The following ANO4 variants were observed in gnomAD, a reference collection of about 807,000 sequenced individuals.
ANO4 encodes the protein anoctamin-4.
Under a neutral mutation model 141.9 loss-of-function variants are expected in ANO4, and 69 were observed. The observed-to-expected ratio is 0.49, with a 90% CI of 0.40 to 0.59. ANO4 has a LOEUF of 0.59. ANO4 is among the 20% of genes least tolerant of loss of function. ANO4 has a pLI of 0.00. For missense variants in ANO4, 894 were observed against 1,162.2 expected (o/e 0.77, Z 3.36); for synonymous variants, 350 against 394.3 (o/e 0.89, Z 1.33).
At chr12:101,015,336 T>A (rs1358616593) in intron 8 of ANO4, among the ~76,000 whole-genome samples, 1 of 152,194 alleles carries the variant, frequency 6.6e-6, no homozygotes, top group Non-Finnish European at 1.5e-5. Flanking sequence ...ATGTACTTCC[T>A]AATATGTGCA....
At chr12:101,074,845 A>G (rs2048960307) in intron 14 of ANO4, among the ~76,000 whole-genome samples, 1 of 152,186 alleles carries the variant, frequency 6.6e-6, no homozygotes, top group African/African-American at 2.4e-5. Context: ...AGTTTTCCAC[A>G]TTTGCTTTCA....
intron 14 of ANO4, among the ~76,000 whole-genome samples, chr12:101,063,857 T>C: frequency 6.8e-6 from 1 of 148,108 alleles, no homozygotes; most frequent in East Asian, 2.1e-4. Context: ...CTAATTCCTA[T>C]AGGATGTGTT....
chr12:100,722,210 C>T (rs1164471111), intron 1 of ANO4, among the ~76,000 whole-genome samples: 1 of 152,154 alleles, frequency 6.6e-6, no homozygotes, highest in Non-Finnish European at 1.5e-5. Flanking sequence ...TTTGCTTTCT[C>T]CTTGCCCTGC....
chr12:100,823,030 C>T (rs1450162373), intron 1 of ANO4, among the ~76,000 whole-genome samples: 1 of 151,920 alleles, frequency 6.6e-6, no homozygotes, highest in Non-Finnish European at 1.5e-5. Context: ...CCTTTTCATT[C>T]AAGTGTGTAT....
At chr12:100,947,218 G>A (rs2042762655) in intron 5 of ANO4, among the ~76,000 whole-genome samples, 3 of 152,182 alleles carry the variant, frequency 2.0e-5, no homozygotes, top group Admixed American at 2.0e-4. Flanking sequence ...ATGTTTTTAT[G>A]CTAATACAAA....
chr12:100,905,916 G>A (rs1363386883), intron 2 of ANO4, among the ~76,000 whole-genome samples: 2 of 152,092 alleles, frequency 1.3e-5, no homozygotes, highest in Non-Finnish European at 2.9e-5. Context: ...GGTCTAATAA[G>A]TTCTTTTCCT....
chr12:100,841,007 A>G (rs890810720), intron 1 of ANO4, among the ~76,000 whole-genome samples: 2 of 152,110 alleles, frequency 1.3e-5, no homozygotes, highest in Admixed American at 1.3e-4. Flanking sequence ...ATCCAATGAA[A>G]TGACCACCTA....
chr12:101,023,451 G>A (rs2136509909), intron 9 of ANO4, among the ~76,000 whole-genome samples: 1 of 152,242 alleles, frequency 6.6e-6, no homozygotes, highest in South Asian at 2.1e-4. Context: ...CAGGAGGATT[G>A]CTTGAGCCCA....
intron 23 of ANO4, 25 bp downstream of exon 23, chr12:101,110,581 T>TA (rs752251173): frequency 2.0e-6 from 3 of 1,522,622 alleles, no homozygotes; most frequent in African/African-American, 2.8e-5. Context: ...GGTATGTTTT[T>TA]AAAAAACATA....
At chr12:100,966,074 A>C (rs1367216680) in intron 5 of ANO4, among the ~76,000 whole-genome samples, 6 of 152,100 alleles carry the variant, frequency 3.9e-5, no homozygotes, top group Non-Finnish European at 8.8e-5. Flanking sequence ...GGGTGCTTGG[A>C]TCTCAGGATT....
chr12:101,079,168 C>CT, intron 14 of ANO4, 25 bp from the exon 15 acceptor site: 1 of 1,604,222 alleles, frequency 6.2e-7, no homozygotes, highest in Admixed American at 1.7e-5. Context: ...TCAAAAATGT[C>CT]TTTGTCTTTC....
chr12:100,853,244 G>A (rs2037977481), intron 1 of ANO4, among the ~76,000 whole-genome samples: 2 of 152,064 alleles, frequency 1.3e-5, no homozygotes, highest in Non-Finnish European at 2.9e-5. Flanking sequence ...TAAGTAGCTT[G>A]CCTTTTCAAA....
chr12:101,111,811 G>T (rs112036600), intron 24 of ANO4, 101 bp downstream of exon 24: 14 of 1,080,356 alleles, frequency 1.3e-5, no homozygotes, highest in Middle Eastern at 2.2e-4. Context: ...TGGAATACAT[G>T]CCCAGAAGGA....
intron 1 of ANO4, among the ~76,000 whole-genome samples, chr12:100,893,115 G>T (rs1408123125): frequency 6.6e-6 from 1 of 151,538 alleles, no homozygotes; most frequent in Admixed American, 6.6e-5. Flanking sequence ...AGGGTTCTGG[G>T]GATGCTTGGT....
chr12:100,806,563 GAGAC>G (rs200669276), intron 1 of ANO4, among the ~76,000 whole-genome samples: 6,362 of 17,954 alleles, frequency 0.35, 898 homozygotes, highest in East Asian at 0.42. Flanking sequence ...TTTTTTTTGT[GAGAC>G]AGAGTCTCGC....
At chr12:101,100,737 C>A (rs1459940902) in intron 22 of ANO4, among the ~76,000 whole-genome samples, 1 of 152,170 alleles carries the variant, frequency 6.6e-6, no homozygotes, top group Admixed American at 6.5e-5. Flanking sequence ...GTATCACAAG[C>A]AGACTGATGA....
At chr12:100,831,316 C>G (rs908923318) in intron 1 of ANO4, among the ~76,000 whole-genome samples, 1 of 152,104 alleles carries the variant, frequency 6.6e-6, no homozygotes, top group African/African-American at 2.4e-5. Context: ...GAGAGGACTC[C>G]TCCCCTGTCA....
chr12:100,777,843 TATC>T (rs1316181984), intron 3 of ANO4, among the ~76,000 whole-genome samples: 3 of 152,164 alleles, frequency 2.0e-5, no homozygotes, highest in African/African-American at 4.8e-5. Context: ...TGTTCTTACT[TATC>T]ATCACATTGT....
chr12:101,025,831 T>C (rs1225725702), intron 9 of ANO4, among the ~76,000 whole-genome samples: 1 of 152,182 alleles, frequency 6.6e-6, no homozygotes, highest in Non-Finnish European at 1.5e-5. Flanking sequence ...AAAAACCATA[T>C]GTTCATATTT....
Sources: gnomAD v4.1 joint callset for allele counts (sites outside exome capture counted in the v4.1 genomes callset) on GRCh38, gnomAD v4.1.1 for gene constraint, MANE v1.5 for transcripts, NCBI Gene and HGNC (gene_info 2026-07-23, HGNC 2026-07-21) for gene names.